Variants in TAFA1 observed in about 807,000 individuals in gnomAD.
TAFA1 encodes chemokine-like protein TAFA-1.
TAFA1 carries 4 observed loss-of-function variants against 18.5 expected under a neutral mutation model. The observed-to-expected ratio is 0.22, with a 90% CI of 0.11 to 0.49. The LOEUF is 0.49. Ranked by LOEUF, TAFA1 falls within the 20% of genes least tolerant of loss-of-function variation. TAFA1 has a pLI of 0.98. For missense variants in TAFA1, 147 were observed against 169.0 expected (o/e 0.87, Z 0.72); for synonymous variants, 56 against 55.2 (o/e 1.01, Z -0.06).
chr3:68,544,237 AG>A (rs1283387855), intron 4 of TAFA1, among the ~76,000 whole-genome samples: 6 of 152,270 alleles, frequency 3.9e-5, no homozygotes, highest in Admixed American at 3.9e-4. Flanking sequence ...GCATTGCTCC[AG>A]GAGCCTCACT....
At chr3:68,187,860 G>C (rs997346193) in intron 2 of TAFA1, among the ~76,000 whole-genome samples, 3 of 151,914 alleles carry the variant, frequency 2.0e-5, no homozygotes, top group African/African-American at 7.2e-5. Context: ...GGCCATTTTA[G>C]TGAGTATTAT....
chr3:68,539,676 T>TG (rs1280970633), intron 4 of TAFA1, among the ~76,000 whole-genome samples: 1 of 3,540 alleles, frequency 2.8e-4, no homozygotes, highest in South Asian at 0.015. Flanking sequence ...TGTGTGTGTG[T>TG]GTGGGGGGGC....
At chr3:68,254,801 T>C (rs777297885) in intron 2 of TAFA1, among the ~76,000 whole-genome samples, 1 of 152,112 alleles carries the variant, frequency 6.6e-6, no homozygotes, top group African/African-American at 2.4e-5. Context: ...TTGTATTATA[T>C]AGGCAGAAGA....
chr3:68,234,750 C>CA (rs1461476085), intron 2 of TAFA1, among the ~76,000 whole-genome samples: 5 of 152,038 alleles, frequency 3.3e-5, no homozygotes, highest in African/African-American at 9.7e-5. Context: ...AAGAAACCAA[C>CA]AAAAAAACCA....
At chr3:68,430,043 C>T (rs539283972) in intron 3 of TAFA1, among the ~76,000 whole-genome samples, 2 of 152,062 alleles carry the variant, frequency 1.3e-5, no homozygotes, top group African/African-American at 4.8e-5. Context: ...TGAACAAAGA[C>T]AGCCCCTTGC....
intron 2 of TAFA1, among the ~76,000 whole-genome samples, chr3:68,406,794 C>T (rs1159552491): frequency 1.3e-5 from 2 of 152,186 alleles, no homozygotes; most frequent in Non-Finnish European, 1.5e-5. Context: ...CTCTCTGATG[C>T]ATCCTTGTTG....
chr3:68,415,874 C>G (rs1044643195), intron 2 of TAFA1, among the ~76,000 whole-genome samples: 1 of 152,148 alleles, frequency 6.6e-6, no homozygotes, highest in Admixed American at 6.5e-5. Flanking sequence ...ACTCTTCCCT[C>G]CTATGGAGAG....
At chr3:68,470,496 T>G (rs1288641274) in intron 3 of TAFA1, among the ~76,000 whole-genome samples, 1 of 152,200 alleles carries the variant, frequency 6.6e-6, no homozygotes, top group African/African-American at 2.4e-5. Context: ...GTTGAATGTC[T>G]TTGCATAAAA....
chr3:68,039,174 T>C (rs916898356), intron 2 of TAFA1, among the ~76,000 whole-genome samples: 9 of 152,352 alleles, frequency 5.9e-5, no homozygotes, highest in African/African-American at 2.2e-4. Context: ...ATTCTCTGAA[T>C]ATAGCATAAT....
intron 2 of TAFA1, among the ~76,000 whole-genome samples, chr3:68,141,084 T>G (rs866673571): frequency 6.6e-6 from 1 of 152,176 alleles, no homozygotes; most frequent in African/African-American, 2.4e-5. Context: ...ATACTTAAAG[T>G]ACTGTACCTA....
Position 68,144,762 on chromosome 3 carries a change from T to C in TAFA1, c.118+138018T>C, listed in dbSNP as rs2065716061. Among the ~76,000 whole-genome samples the C allele has an allele frequency of 3.3e-5, 5 of 152,228 alleles. No individual in the cohort carries two copies. The South Asian group carries it at 1.0e-3, about 32-fold the overall frequency. On this transcript the variant is annotated intron_variant, in intron 2 of 4. Coordinates refer to ENST00000478136, the MANE Select transcript of TAFA1 (RefSeq NM_213609.4). ...TACAATTTTTTTAACCTAGTTTTTC[T>C]GTAGTAAAAGTGCAGTTTTCAGAGT...
chr3:68,535,938 T>G (rs1167238103), intron 3 of TAFA1, among the ~76,000 whole-genome samples: 3 of 152,176 alleles, frequency 2.0e-5, no homozygotes, highest in Admixed American at 2.0e-4. Context: ...TGGGATATGG[T>G]GTCCACTGAG....
chr3:68,186,273 G>A (rs2066270961), intron 2 of TAFA1, among the ~76,000 whole-genome samples: 1 of 152,006 alleles, frequency 6.6e-6, no homozygotes. Context: ...ACAAACCAGT[G>A]GATAACTTCT....
upstream of TAFA1, among the ~76,000 whole-genome samples, chr3:67,999,285 C>CTGTGTGTGTGTGTG (rs373368779): frequency 2.1e-4 from 1 of 4,716 alleles, no homozygotes; most frequent in African/African-American, 3.3e-4. Context: ...CCCCCCCTCT[C>CTGTGTGTGTGTGTG]TCTGTGTGTG....
chr3:68,538,911 A>G, intron 4 of TAFA1, 31 bp downstream of exon 4: 1 of 1,610,840 alleles, frequency 6.2e-7, no homozygotes, highest in East Asian at 2.2e-5. Context: ...TGTATTTTGG[A>G]TGTTACAGAC....
chr3:68,001,433 G>A (rs137899746), upstream of TAFA1, among the ~76,000 whole-genome samples: 71 of 152,106 alleles, frequency 4.7e-4, no homozygotes, highest in African/African-American at 1.6e-3. Context: ...TCTGCCTTAC[G>A]GATCCAGATT....
intron 2 of TAFA1, among the ~76,000 whole-genome samples, chr3:68,333,253 T>C (rs775003599): frequency 5.3e-5 from 8 of 152,186 alleles, no homozygotes; most frequent in Non-Finnish European, 8.8e-5. Flanking sequence ...TCAACCTAAA[T>C]GACCATCAGT....
chr3:68,074,974 C>A (rs2064806456), intron 2 of TAFA1, among the ~76,000 whole-genome samples: 1 of 152,168 alleles, frequency 6.6e-6, no homozygotes, highest in East Asian at 1.9e-4. Flanking sequence ...GGATGATTAA[C>A]CTTCCCCATG....
chr3:68,337,447 T>C (rs935302154), intron 2 of TAFA1, among the ~76,000 whole-genome samples: 2 of 152,106 alleles, frequency 1.3e-5, no homozygotes, highest in African/African-American at 4.8e-5. Flanking sequence ...GGATTACAAC[T>C]GGACATGAGA....
Sources: allele counts gnomAD v4.1 joint callset (sites outside exome capture counted in the v4.1 genomes callset), GRCh38; gene constraint gnomAD v4.1.1; transcripts MANE v1.5; gene names NCBI Gene and HGNC (gene_info 2026-07-23, HGNC 2026-07-21).